FLT4: variants seen among roughly 807,000 people sequenced by gnomAD.
The protein encoded by FLT4 is fms related receptor tyrosine kinase 4.
FLT4 carries 30 observed loss-of-function variants against 163.2 expected under a neutral mutation model. That is an observed-to-expected ratio of 0.18 (90% CI 0.14 to 0.25). The LOEUF is 0.25. Among genes scored for constraint, FLT4 ranks in the 10% least tolerant of loss-of-function variants. The pLI is 1.00. For missense variants in FLT4, 1,510 were observed against 1,863.8 expected (o/e 0.81, Z 3.50); for synonymous variants, 884 against 789.5 (o/e 1.12, Z -2.01).
intron 23 of FLT4, among the ~76,000 whole-genome samples, 172 bp from the exon 24 acceptor site, chr5:180,614,351 C>T (rs1163323839): frequency 6.9e-6 from 1 of 145,980 alleles, no homozygotes; most frequent in Non-Finnish European, 1.5e-5. Context: ...TGCTCTGGCA[C>T]CCCCTAACAG....
At chr5:180,640,727 G>A (rs72818990) in intron 1 of FLT4, among the ~76,000 whole-genome samples, 8,083 of 152,244 alleles carry the variant, frequency 0.053, 333 homozygotes, top group East Asian at 0.11. Flanking sequence ...TGTGGGAGTC[G>A]GCCCCTCCCT....
In FLT4 at chr5:180,609,156, G is replaced by T. The variant is rs1761983439; in HGVS notation, c.3808-103C>A. ...TGCGGCATGGTCCTGCAGCGCGGCT[G>T]ACCTAACACCTGTCCCTGGGAAGCT... On this transcript the variant is annotated intron_variant, in intron 28 of 29. Transcript: ENST00000261937. 3 of 911,036 alleles carry T rather than the reference G, an allele frequency of 3.3e-6. No individual in the cohort carries two copies. In the Admixed American group the frequency reaches 5.3e-5, roughly 16 times the overall value. 56.4% of individuals were successfully genotyped at this position (911,036 alleles called of 1,614,324 possible). A position where few individuals can be genotyped will look rare whatever the true frequency, so the allele number is the denominator to read the frequency against.
At chr5:180,618,633 C>T in intron 21 of FLT4, 137 bp downstream of exon 21, 2 of 911,338 alleles carry the variant, frequency 2.2e-6, no homozygotes, top group South Asian at 3.1e-5. Context: ...CCCGAGGTGT[C>T]TTCCCTTCCT....
intron 29 of FLT4, chr5:180,608,068 C>T (rs530271501): frequency 2.1e-5 from 15 of 700,334 alleles, no homozygotes; most frequent in East Asian, 1.9e-4. Flanking sequence ...CAGGCCTGCC[C>T]GCAGTCATCC....
chr5:180,624,369 G>A (rs1429089341), intron 10 of FLT4, among the ~76,000 whole-genome samples: 2 of 152,138 alleles, frequency 1.3e-5, no homozygotes. Flanking sequence ...TGGGATTATA[G>A]GCATGTGCCA....
chr5:180,646,109 TC>T lies in FLT4; in HGVS notation c.58+3378del, dbSNP rs375629848. ...CCTCTGTCCCATCATACTCAAGTGC[TC>T]CCAACTTTCCTCCCTCCTTATCTGG... On this transcript the variant is annotated intron_variant, in intron 1 of 29. Transcript: ENST00000261937. 1.5e-3 allele frequency among the ~76,000 whole-genome samples: 221 copies of T among 152,146 alleles called. 3 individuals carry two copies. The highest frequency in any genetic ancestry group is 5.1e-3 in the African/African-American group (213 of 41,502).
At position 180,621,882 on chromosome 5, in the gene FLT4, G is replaced by A. The variant is rs372330214; in HGVS notation, c.1680C>T (p.Ile560=). The part of the protein sequence containing the change: ...YVTTIPDGFT[I]ESKPSEELLE... The stretch of plus-strand genomic sequence containing the variant: ...GTAGCTCCTCGGATGGCTTGGATTC[G>A]ATGGTGAAGCCGTCGGGGATGGCTG... The change falls in exon 13 of 30, where the codon ATC becomes ATT. Residue 560 remains isoleucine (I), a synonymous_variant. Coordinates refer to ENST00000261937, the MANE Select transcript of FLT4 (RefSeq NM_182925.5). 1.3e-5 allele frequency: 21 copies of A among 1,613,382 alleles called. No individual in the cohort carries two copies. The highest frequency in any genetic ancestry group is 1.8e-5 in the Non-Finnish European group (21 of 1,179,988).
At position 180,630,430 on chromosome 5, in the gene FLT4, C is replaced by T; in HGVS notation, c.401-93G>A. On this transcript the variant is annotated intron_variant, in intron 3 of 29. Transcript: ENST00000261937. The surrounding 1 kb of genome is among the most constrained non-coding windows in gnomAD (Gnocchi z 6.3). Reference sequence around the variant, plus strand: ...CTGGGTGGTGCTGGTCCTGAACCAGCCACCCGCTGGAGCAGGTAGGGCCCC... The same window carrying T: ...CTGGGTGGTGCTGGTCCTGAACCAGTCACCCGCTGGAGCAGGTAGGGCCCC... 6.4e-7 allele frequency: 1 copy of T among 1,559,670 alleles called. No individual in the cohort carries two copies. Among genetic ancestry groups the T allele is most frequent in the African/African-American group, 1.4e-5 (1 of 74,042 alleles).
At position 180,607,078 on chromosome 5, in the gene FLT4, A is replaced by AAAAAAT. The variant is rs764343738; in HGVS notation, c.3893+1884_3893+1889dup. Among the ~76,000 whole-genome samples the AAAAAAT allele has an allele frequency of 1.7e-4, 26 of 152,204 alleles. No homozygotes were observed. In the South Asian group the frequency reaches 3.3e-3, roughly 19 times the overall value. On this transcript the variant is annotated intron_variant, in intron 29 of 29. Transcript: ENST00000261937. ...GGGTGACGGAGTGAGACTCTGTCTCAAAAAATAAAAATAAAAATAAAAATA... is the reference window on the plus strand; with the variant it reads ...GGGTGACGGAGTGAGACTCTGTCTCAAAAAATAAAAATAAAAATAAAAATAAAAATA...
chr5:180,626,226 T>C lies in FLT4; in HGVS notation c.1143A>G (p.Pro381=), dbSNP rs533314276. The change falls in exon 9 of 30, where the codon CCA becomes CCG. Residue 381 remains proline, a synonymous_variant. Transcript: ENST00000261937. ...TCACCTCCTTGAGCACCAGGGCATG[T>C]GGACTGTGGCGCCCGGACAGTGCCT... ...DGKALSGRHS[P]HALVLKEVTE... is the part of the protein sequence containing the mutation. 6.2e-7 allele frequency: 1 copy of C among 1,612,796 alleles called. No individual in the cohort carries two copies. Among genetic ancestry groups the C allele is most frequent in the South Asian group, 1.1e-5 (1 of 91,090 alleles).
At position 180,616,358 on chromosome 5, in the gene FLT4, T is replaced by G. The variant is rs1762688169; in HGVS notation, c.3219+9A>C. ...CCCACGTTCCCTCTCCTCAATGGCC[T>G]GCACTCACACTGCCCTTGCGGACGT... On this transcript the variant is annotated intron_variant, in intron 23 of 29. Transcript: ENST00000261937. 6.2e-7 allele frequency: 1 copy of G among 1,613,918 alleles called. No homozygotes were observed. The highest frequency in any genetic ancestry group is 1.3e-5 in the African/African-American group (1 of 75,060).
rs1762300267 is a variant in FLT4, at chr5:180,612,591, C to T, written c.3452G>A (p.Cys1151Tyr). 6.2e-7 allele frequency: 1 copy of T among 1,613,928 alleles called. No individual in the cohort carries two copies. The highest frequency in any genetic ancestry group is 8.5e-7 in the Non-Finnish European group (1 of 1,179,822). The change falls in exon 26 of 30, where the codon TGC becomes TAC. Residue 1151 changes from cysteine (C) to tyrosine (Y), a missense_variant. Cys to Tyr is a radical substitution (Grantham distance 194, BLOSUM62 -2). Around this residue, in one of 5 missense-constraint regions of FLT4, gnomAD observed 295 missense variants for 311.0 expected, o/e 0.95. Transcript: ENST00000261937. ...TCTCGCCTTGGGGTCTCCGGACCAG[C>T]AGTTCAGCATGATGCGGCGTCTGCA... is the stretch of plus-strand genomic sequence containing the variant. ...TPAIRRIMLN[C>Y]WSGDPKARPA...
chr5:180,645,248 C>T (rs1004463692), intron 1 of FLT4, among the ~76,000 whole-genome samples: 3 of 152,188 alleles, frequency 2.0e-5, no homozygotes, highest in Non-Finnish European at 2.9e-5. Flanking sequence ...GCTGGACCTG[C>T]GGGGAGCGTG....
In FLT4 at chr5:180,630,502, G is replaced by C; in HGVS notation, c.400+53C>G. The C allele has an allele frequency of 1.4e-5, 22 of 1,608,126 alleles. No individual in the cohort carries two copies. The highest frequency in any genetic ancestry group is 1.8e-5 in the Non-Finnish European group (21 of 1,178,162). On this transcript the variant is annotated intron_variant, in intron 3 of 29. Transcript: ENST00000261937. The surrounding 1 kb of genome is among the most constrained non-coding windows in gnomAD (Gnocchi z 6.3). Reference sequence around the variant, plus strand: ...AGGGTCCACAGGCTGGGGGCGGTGTGGGCCCCAGCTGCCCGGGACCCTGCT... The same window carrying C: ...AGGGTCCACAGGCTGGGGGCGGTGTCGGCCCCAGCTGCCCGGGACCCTGCT...
chr5:180,607,522 T>A (rs1036061527), intron 29 of FLT4, among the ~76,000 whole-genome samples: 5 of 151,596 alleles, frequency 3.3e-5, no homozygotes, highest in Non-Finnish European at 7.4e-5. Flanking sequence ...GTGCCTGTAG[T>A]CCCAGCTACT....
rs1478411784 is a variant in FLT4 at position 180,629,842 on chromosome 5, A to G, written c.677-7T>C. 1 of 1,612,560 alleles carries G rather than the reference A, an allele frequency of 6.2e-7. No individual in the cohort carries two copies. The highest frequency in any genetic ancestry group is 8.5e-7 in the Non-Finnish European group (1 of 1,179,896). ...ATGTCATAGAGCTCGTTGCCTGTTG[A>G]CACGCACACAGTGACTCCCACGCCC... On this transcript the variant is annotated splice_region_variant and splice_polypyrimidine_tract_variant and intron_variant, in intron 5 of 29. Coordinates refer to ENST00000261937, the MANE Select transcript of FLT4 (RefSeq NM_182925.5).
chr5:180,606,512 G>A (rs1053439407), intron 29 of FLT4, among the ~76,000 whole-genome samples: 1 of 152,216 alleles, frequency 6.6e-6, no homozygotes. Context: ...CCCAACTCAC[G>A]TTTCCACGGA....
In FLT4 at chr5:180,636,726, G is replaced by A. The variant is rs952188889; in HGVS notation, c.59-4948C>T. Among the ~76,000 whole-genome samples the A allele has an allele frequency of 1.2e-4, 19 of 152,086 alleles. No individual in the cohort carries two copies. The highest frequency in any genetic ancestry group is 4.2e-4 in the South Asian group (2 of 4,800). ...TCATCACCAGAGACCGCGCCATCCC[G>A]GAACACCTGTCTTCTACGTCTCTCT... On this transcript the variant is annotated intron_variant, in intron 1 of 29. Coordinates refer to ENST00000261937, the MANE Select transcript of FLT4 (RefSeq NM_182925.5). This position sits in a 1 kb window ranked among gnomAD's most constrained non-coding sequence, Gnocchi z 4.3.
intron 2 of FLT4, among the ~76,000 whole-genome samples, chr5:180,631,072 G>T (rs1259603268): frequency 6.6e-6 from 1 of 152,114 alleles, no homozygotes; most frequent in African/African-American, 2.4e-5. Flanking sequence ...GGCCCCAGTG[G>T]GTGCTCCCAG....
Sources: allele counts gnomAD v4.1 joint callset (sites outside exome capture counted in the v4.1 genomes callset), GRCh38; gene constraint gnomAD v4.1.1; regional missense constraint gnomAD v4.1.1; non-coding constraint Gnocchi (gnomAD v3.1); transcripts MANE v1.5; gene names NCBI Gene and HGNC (gene_info 2026-07-23, HGNC 2026-07-21).